The following TCF12 variants were observed in gnomAD, a reference collection of about 807,000 sequenced individuals.
TCF12 encodes transcription factor 12.
A neutral mutation model predicts 86.0 loss-of-function variants in TCF12; 45 were observed. That is an observed-to-expected ratio of 0.52 (90% CI 0.41 to 0.67). The LOEUF (loss-of-function observed/expected upper bound fraction) is 0.67. TCF12 is among the 30% of genes least tolerant of loss of function. TCF12 has a pLI of 0.00. For synonymous variants in TCF12, 330 were observed against 299.6 expected (o/e 1.10, Z -1.05); for missense variants, 881 against 859.9 (o/e 1.02, Z -0.31).
chr15:57,054,927 C>T (rs1278217052), intron 3 of TCF12, among the ~76,000 whole-genome samples: 1 of 151,580 alleles, frequency 6.6e-6, no homozygotes, highest in Non-Finnish European at 1.5e-5. Context: ...TTACTGCCTT[C>T]CTTTATGCTA....
chr15:57,246,963 A>G lies in TCF12; in HGVS notation c.1114+3413A>G, dbSNP rs1191187609. ...TGTAGCCCTTTTCTGCTGTTTTTAGAACCTTCTGCTACCATATCCACCACT... is the reference window on the plus strand; with the variant it reads ...TGTAGCCCTTTTCTGCTGTTTTTAGGACCTTCTGCTACCATATCCACCACT... On this transcript the variant is annotated intron_variant, in intron 13 of 20. Coordinates refer to ENST00000333725, the MANE Select transcript of TCF12 (RefSeq NM_207037.2). The G allele has an allele frequency of 3.4e-5, 18 of 535,176 alleles. No individual in the cohort carries two copies. In the African/African-American group the frequency reaches 3.4e-4, roughly 10 times the overall value. The allele number at this position is 535,176 out of a possible 1,614,324, so 33.2% of individuals were successfully genotyped here.
At chr15:57,202,657 G>A (rs553665830) in intron 8 of TCF12, among the ~76,000 whole-genome samples, 46 of 151,168 alleles carry the variant, frequency 3.0e-4, no homozygotes, top group African/African-American at 1.0e-3. Flanking sequence ...GGATGGTCTC[G>A]ATCTCCCGAC....
chr15:57,118,253 A>T lies in TCF12; in HGVS notation c.325+26362A>T, dbSNP rs182222424. On this transcript the variant is annotated intron_variant, in intron 5 of 20. Coordinates refer to ENST00000333725, the MANE Select transcript of TCF12 (RefSeq NM_207037.2). ...ACAACCTTTGTAAATGTTAAATAAA[A>T]GAGCAAATTGAAGGGCAGTGATTCA... 196 of 152,266 alleles carry T rather than the reference A, an allele frequency of 1.3e-3. 1 individual carries two copies. Among genetic ancestry groups the T allele is most frequent in the African/African-American group, 4.5e-3 (188 of 41,510 alleles). 9.4% of individuals were successfully genotyped at this position (152,266 alleles called of 1,614,324 possible). A position where few individuals can be genotyped will look rare whatever the true frequency, so the allele number is the denominator to read the frequency against.
rs564116247 is a variant in TCF12 at position 57,051,856 on chromosome 15, A to C, written c.149-11894A>C. On this transcript the variant is annotated intron_variant, in intron 3 of 20. Coordinates refer to ENST00000333725, the MANE Select transcript of TCF12 (RefSeq NM_207037.2). ...TCAGCATCCAATTTCATTCTTTTGC[A>C]TGTGGACGTCCAGTTTTCCCATTGC... Among the ~76,000 whole-genome samples, 10 of 152,242 alleles carry C rather than the reference A, an allele frequency of 6.6e-5. No individual in the cohort carries two copies. The East Asian group carries it at 1.9e-3, about 29-fold the overall frequency.
chr15:57,211,068 T>C (rs932294029), intron 8 of TCF12, among the ~76,000 whole-genome samples: 1 of 152,244 alleles, frequency 6.6e-6, no homozygotes. Context: ...TTGAAGGGCA[T>C]AGCCATAAAT....
At chr15:56,950,706 C>T (rs1311176374) in intron 3 of TCF12, among the ~76,000 whole-genome samples, 1 of 144,396 alleles carries the variant, frequency 6.9e-6, no homozygotes, top group Admixed American at 7.0e-5. Context: ...TGGGTTGTCT[C>T]CAATTTTGGG....
chr15:56,944,004 G>A (rs1284895674), intron 3 of TCF12, among the ~76,000 whole-genome samples: 1 of 152,120 alleles, frequency 6.6e-6, no homozygotes, highest in Non-Finnish European at 1.5e-5. Context: ...CCATTGAAGT[G>A]TGTGTCTTTT....
chr15:57,007,134 C>T (rs952992457), intron 3 of TCF12, among the ~76,000 whole-genome samples: 7 of 152,058 alleles, frequency 4.6e-5, no homozygotes, highest in East Asian at 3.9e-4. Flanking sequence ...GTATTCACAT[C>T]GTATGTGAAA....
intron 5 of TCF12, among the ~76,000 whole-genome samples, chr15:57,122,193 T>C (rs573874476): frequency 1.3e-5 from 2 of 151,744 alleles, no homozygotes; most frequent in South Asian, 2.1e-4. Context: ...ATTTTTTTTT[T>C]TCACATTTTT....
chr15:57,203,724 A>T (rs2057670334), intron 8 of TCF12, among the ~76,000 whole-genome samples: 1 of 152,108 alleles, frequency 6.6e-6, no homozygotes, highest in South Asian at 2.1e-4. Context: ...TCTTGCTTAA[A>T]CTCTCAAAGT....
rs1394000566 is a variant in TCF12 at position 57,286,654 on chromosome 15, A to G, written c.*509A>G. On this transcript the variant is annotated 3_prime_UTR_variant, in exon 21 of 21. Coordinates refer to ENST00000333725, the MANE Select transcript of TCF12 (RefSeq NM_207037.2). The stretch of plus-strand genomic sequence containing the variant: ...GCAGTGACAACCATTGGCCCTTAGC[A>G]TTCCCGGCATACCTATTAGTGTCTT... The G allele has an allele frequency of 2.2e-6, 1 of 456,752 alleles. No individual in the cohort carries two copies. Among genetic ancestry groups the G allele is most frequent in the Non-Finnish European group, 4.4e-6 (1 of 226,970 alleles). The allele number at this position is 456,752 out of a possible 1,614,324, so 28.3% of individuals were successfully genotyped here.
intron 3 of TCF12, among the ~76,000 whole-genome samples, chr15:57,007,846 T>TCC (rs2064529883): frequency 1.1e-5 from 1 of 87,290 alleles, no homozygotes; most frequent in Non-Finnish European, 2.4e-5. Flanking sequence ...CTTTCTCTCT[T>TCC]TCCCTCCCTT....
At chr15:57,086,794 G>T (rs2048667309) in intron 4 of TCF12, among the ~76,000 whole-genome samples, 1 of 148,714 alleles carries the variant, frequency 6.7e-6, no homozygotes. Context: ...TTTTTAAACT[G>T]ATTTTCATAC....
intron 3 of TCF12, among the ~76,000 whole-genome samples, chr15:56,930,565 G>C (rs1250981680): frequency 6.6e-6 from 1 of 152,140 alleles, no homozygotes; most frequent in Non-Finnish European, 1.5e-5. Flanking sequence ...AGAGTTAAAG[G>C]GAAAAGTGTT....
intron 18 of TCF12, among the ~76,000 whole-genome samples, chr15:57,272,184 A>G (rs568270077): frequency 6.6e-6 from 1 of 152,342 alleles, no homozygotes; most frequent in South Asian, 2.1e-4. Context: ...ATTTGCTATT[A>G]TTAAATCCCA....
intron 6 of TCF12, among the ~76,000 whole-genome samples, chr15:57,189,850 G>A (rs964938129): frequency 6.6e-6 from 1 of 152,198 alleles, no homozygotes; most frequent in Admixed American, 6.5e-5. Flanking sequence ...ATCAGTGGGT[G>A]AATGGATAAA....
At chr15:57,223,384 C>CAT (rs1401089458) in intron 8 of TCF12, among the ~76,000 whole-genome samples, 3 of 152,002 alleles carry the variant, frequency 2.0e-5, no homozygotes, top group African/African-American at 2.4e-5. Context: ...TGTAAAAATA[C>CAT]ATATATATAC....
chr15:57,137,518 T>C lies in TCF12; in HGVS notation c.326-28884T>C, dbSNP rs899491841. On this transcript the variant is annotated intron_variant, in intron 5 of 20. Coordinates refer to ENST00000333725, the MANE Select transcript of TCF12 (RefSeq NM_207037.2). ...GCCTAAAATATTATTTCTAAAAATA[T>C]TTGTGGATTAACTGAGAATGTAGGA... Among the ~76,000 whole-genome samples, 7 of 152,290 alleles carry C rather than the reference T, an allele frequency of 4.6e-5. No individual in the cohort carries two copies. In the South Asian group the frequency reaches 1.5e-3, roughly 32 times the overall value.
intron 3 of TCF12, among the ~76,000 whole-genome samples, chr15:57,049,985 C>T (rs1303510410): frequency 6.6e-6 from 1 of 152,024 alleles, no homozygotes; most frequent in Non-Finnish European, 1.5e-5. Context: ...TTTAGCTGGA[C>T]CTCCTTCAGT....
Sources: gnomAD v4.1 joint callset for allele counts (sites outside exome capture counted in the v4.1 genomes callset) on GRCh38, gnomAD v4.1.1 for gene constraint, MANE v1.5 for transcripts, NCBI Gene and HGNC (gene_info 2026-07-23, HGNC 2026-07-21) for gene names.